PDE4DIP: variants seen among roughly 807,000 people sequenced by gnomAD.
PDE4DIP encodes the protein myomegalin.
PDE4DIP carries 59 observed loss-of-function variants against 221.4 expected under a neutral mutation model. The observed-to-expected ratio is 0.27, with a 90% confidence interval of 0.22 to 0.33. The LOEUF is 0.33. Among genes scored for constraint, PDE4DIP ranks in the 10% least tolerant of loss-of-function variants. The probability of loss-of-function intolerance (pLI) is 1.00; values close to 1 mark genes in which losing one functional copy is unlikely to be tolerated. For synonymous variants in PDE4DIP, 404 were observed against 815.9 expected, an observed-to-expected ratio of 0.50 and a Z score of 8.60; for missense variants, 1,036 against 2,154.2, an observed-to-expected ratio of 0.48 and a Z score of 10.28.
Position 149,001,912 on chromosome 1 carries a change from G to A in PDE4DIP, c.3459G>A (p.Leu1153=), listed in dbSNP as rs1553578376. The change falls in exon 24 of 44, where the codon CTG becomes CTA. Residue 1153 remains leucine, a synonymous_variant. Coordinates refer to ENST00000369354, the Ensembl canonical transcript of PDE4DIP. Reference sequence around the variant, plus strand: ...CCATTGAAAGAATAAACACAGAACTGGTTGGTTCCCCTGGGAAGCACCAAC... The same window carrying A: ...CCATTGAAAGAATAAACACAGAACTAGTTGGTTCCCCTGGGAAGCACCAAC... 3.7e-6 allele frequency: 6 copies of A among 1,613,376 alleles called. No homozygotes were observed. The South Asian group carries it at 5.5e-5, about 15-fold the overall frequency.
chr1:149,016,658 C>T, intron 33 of PDE4DIP, 108 bp downstream of exon 36: 1 of 500,498 alleles, frequency 2.0e-6, no homozygotes, highest in Non-Finnish European at 3.6e-6. Context: ...CCCTGGCTCA[C>T]AGAGTGGATA....
chr1:148,967,883 A>T, exon 13 of PDE4DIP: 1 of 976,810 alleles, frequency 1.0e-6, no homozygotes, highest in South Asian at 1.4e-5. Context: ...ACGTCTCTTC[A>T]TGATAGGAAC....
intron 1 of PDE4DIP, among the ~76,000 whole-genome samples, chr1:148,823,514 G>A (rs1462932076): frequency 1.9e-4 from 28 of 150,568 alleles, no homozygotes; most frequent in Middle Eastern, 3.4e-3. Context: ...TCCACTGTAC[G>A]CATGCTCATT....
intron 2 of PDE4DIP, chr1:148,929,880 T>C (rs1553468375): frequency 6.5e-6 from 1 of 152,948 alleles, no homozygotes; most frequent in Non-Finnish European, 1.5e-5. Context: ...AGGGCATTGA[T>C]TGAATAAATT....
At chr1:148,821,854 T>C (rs1228737658) in intron 1 of PDE4DIP, among the ~76,000 whole-genome samples, 1 of 149,776 alleles carries the variant, frequency 6.7e-6, no homozygotes, top group African/African-American at 2.5e-5. Flanking sequence ...GCTATTGCAG[T>C]AAGTAACACC....
intron 14 of PDE4DIP, among the ~76,000 whole-genome samples, chr1:148,970,788 C>T (rs1418771937): frequency 1.3e-5 from 2 of 152,004 alleles, no homozygotes; most frequent in African/African-American, 2.4e-5. Flanking sequence ...TTTTTCCCCA[C>T]AGTTTTCACA....
chr1:148,934,895 G>A lies in PDE4DIP; in HGVS notation c.518+2607G>A, dbSNP rs587634640. 2.0e-5 allele frequency among the ~76,000 whole-genome samples: 3 copies of A among 152,088 alleles called. No individual in the cohort carries two copies. In the South Asian group the frequency reaches 6.2e-4, roughly 32 times the overall value. ...CTGGGATTACAGGGATTACAGGCAT[G>A]AGCCACCATACCCAGCCCAATGTTT... On this transcript the variant is annotated intron_variant, in intron 4 of 43. Coordinates refer to ENST00000369354, the Ensembl canonical transcript of PDE4DIP.
At chr1:149,009,475 C>G in intron 29 of PDE4DIP, 93 bp from the exon 33 acceptor site, 2 of 716,336 alleles carry the variant, frequency 2.8e-6, no homozygotes, top group Middle Eastern at 7.2e-4. Flanking sequence ...GCATGGTCCC[C>G]TTGGCTTACT....
chr1:148,945,169 T>C (rs2051346268), intron 5 of PDE4DIP, among the ~76,000 whole-genome samples: 1 of 151,974 alleles, frequency 6.6e-6, no homozygotes, highest in Admixed American at 6.6e-5. Context: ...CAGGAATTGG[T>C]AGACTTTTTC....
At chr1:148,982,354 T>C (rs2061263138) in intron 21 of PDE4DIP, 1 of 152,216 alleles carries the variant, frequency 6.6e-6, no homozygotes, top group Admixed American at 6.5e-5. Context: ...GCTTCTTTCA[T>C]TTGTGGCACT....
chr1:148,827,978 A>C (rs1446153657), intron 1 of PDE4DIP, among the ~76,000 whole-genome samples: 1 of 26,782 alleles, frequency 3.7e-5, no homozygotes, highest in Non-Finnish European at 9.1e-5. Flanking sequence ...CCATGGATAT[A>C]TATGGCTATC....
In PDE4DIP at chr1:148,859,792, T is replaced by TTGTGTGTG. The variant is rs3978545; in HGVS notation, c.234-3428_234-3421dup. ...GAATGTACCAACATATATTACCACT[T>TTGTGTGTG]TGTGTGTGTGTGTGTGTGTGTGTGT... On this transcript the variant is annotated intron_variant, in intron 1 of 45. Coordinates refer to the PDE4DIP transcript ENST00000524974. Among the ~76,000 whole-genome samples the TTGTGTGTG allele has an allele frequency of 5.3e-4, 60 of 113,136 alleles. 1 individual carries two copies. Among genetic ancestry groups the TTGTGTGTG allele is most frequent in the African/African-American group, 1.0e-3 (28 of 26,830 alleles). The allele number at this position is 113,136 out of a possible 152,430, so 74.2% of individuals were successfully genotyped here.
At chr1:149,010,728 T>C (rs2068363852) in intron 31 of PDE4DIP, 133 bp downstream of exon 34, 1 of 721,730 alleles carries the variant, frequency 1.4e-6, no homozygotes, top group Non-Finnish European at 2.4e-6. Flanking sequence ...CGAGAAACCA[T>C]CCTCATTTTC....
intron 40 of PDE4DIP, among the ~76,000 whole-genome samples, chr1:149,028,291 G>A: frequency 6.8e-6 from 1 of 147,444 alleles, no homozygotes; most frequent in South Asian, 2.2e-4. Context: ...ATACAAATGT[G>A]GTCATTTATC....
At chr1:148,934,964 C>A (rs2048884220) in intron 4 of PDE4DIP, among the ~76,000 whole-genome samples, 1 of 152,006 alleles carries the variant, frequency 6.6e-6, no homozygotes, top group South Asian at 2.1e-4. Flanking sequence ...TGGCTCACAC[C>A]TGTAATCCTA....
chr1:148,821,711 T>C (rs1553361139), intron 1 of PDE4DIP, among the ~76,000 whole-genome samples: 1 of 144,594 alleles, frequency 6.9e-6, no homozygotes, highest in Non-Finnish European at 1.5e-5. Flanking sequence ...GATGTTATTC[T>C]AAGGACATGG....
chr1:148,919,295 G>T (rs1420414657), intron 1 of PDE4DIP, among the ~76,000 whole-genome samples: 29 of 151,580 alleles, frequency 1.9e-4, no homozygotes, highest in Non-Finnish European at 2.9e-5. Context: ...AGGAGAGGCT[G>T]TAAATCAAGT....
intron 21 of PDE4DIP, among the ~76,000 whole-genome samples, chr1:148,987,948 C>A (rs1323857243): frequency 2.0e-5 from 3 of 152,120 alleles, no homozygotes; most frequent in African/African-American, 7.2e-5. Flanking sequence ...CCCCCTAAGG[C>A]TTATTTGTGC....
intron 1 of PDE4DIP, among the ~76,000 whole-genome samples, chr1:148,916,739 TA>T (rs1456909137): frequency 2.2e-5 from 3 of 135,004 alleles, no homozygotes; most frequent in African/African-American, 8.7e-5. Context: ...TGCAACAATT[TA>T]TCTATAGAAA....
Sources: gnomAD v4.1 joint callset for allele counts (sites outside exome capture counted in the v4.1 genomes callset) on GRCh38, gnomAD v4.1.1 for gene constraint, MANE v1.5 for transcripts, NCBI Gene and HGNC (gene_info 2026-07-23, HGNC 2026-07-21) for gene names.